KDM4C: variants seen among roughly 807,000 people sequenced by gnomAD.
KDM4C encodes lysine demethylase 4C.
A neutral mutation model predicts 129.3 loss-of-function variants in KDM4C; 81 were observed. The ratio of observed to expected loss-of-function variants is 0.63; its 90% confidence interval spans 0.52 to 0.75. The LOEUF (loss-of-function observed/expected upper bound fraction) is 0.75, where lower values mean the gene tolerates loss of function less well. Among genes scored for constraint, KDM4C ranks in the 30% least tolerant of loss-of-function variants. The pLI is 0.00. For synonymous variants in KDM4C, 573 were observed against 456.1 expected, an observed-to-expected ratio of 1.26 and a Z score of -3.26; for missense variants, 1,457 against 1,304.0, an observed-to-expected ratio of 1.12 and a Z score of -1.81.
chr9:7,065,508 T>C (rs763087954), intron 17 of KDM4C, among the ~76,000 whole-genome samples: 16 of 152,174 alleles, frequency 1.1e-4, no homozygotes, highest in Non-Finnish European at 2.1e-4. Context: ...AGTATGGTCA[T>C]GAAATATTTT....
In KDM4C at chr9:6,856,831, C is replaced by G. The variant is rs529313664; in HGVS notation, c.629+7131C>G. ...GGACTGCAGTGGCGCAATCTCGGCT[C>G]ACTGCAAGCTCCGCTTCCCGGGTTC... On this transcript the variant is annotated intron_variant, in intron 5 of 21. Coordinates refer to ENST00000381309, the MANE Select transcript of KDM4C (RefSeq NM_015061.6). Among the ~76,000 whole-genome samples, 6 of 148,934 alleles carry G rather than the reference C, an allele frequency of 4.0e-5. No individual in the cohort carries two copies. The East Asian group carries it at 1.2e-3, about 30-fold the overall frequency.
At chr9:6,949,258 C>G (rs560179160) in intron 8 of KDM4C, among the ~76,000 whole-genome samples, 1 of 150,262 alleles carries the variant, frequency 6.7e-6, no homozygotes, top group South Asian at 2.1e-4. Context: ...GGGTTGCGGC[C>G]GGGCAGAGGC....
chr9:6,834,839 AC>A, intron 4 of KDM4C: 1 of 1,381,612 alleles, frequency 7.2e-7, no homozygotes, highest in Non-Finnish European at 1.0e-6. Flanking sequence ...GACCTTCATC[AC>A]CCCAGCCATG....
intron 17 of KDM4C, among the ~76,000 whole-genome samples, chr9:7,073,768 C>G (rs78816584): frequency 2.0e-5 from 3 of 152,244 alleles, no homozygotes; most frequent in African/African-American, 7.2e-5. Flanking sequence ...TACCATTAGC[C>G]TTGCAGGGCC....
At chr9:7,014,339 A>G (rs887671963) in intron 14 of KDM4C, 6 of 189,340 alleles carry the variant, frequency 3.2e-5, no homozygotes, top group Non-Finnish European at 6.6e-5. Context: ...TGAAAGTCTG[A>G]TACTGATTGA....
intron 1 of KDM4C, among the ~76,000 whole-genome samples, chr9:6,777,728 A>C (rs895246599): frequency 6.6e-6 from 1 of 151,218 alleles, no homozygotes; most frequent in Admixed American, 6.6e-5. Context: ...ACCTGCTTCC[A>C]CCATGTTTGG....
chr9:7,174,585 G>T lies in KDM4C; in HGVS notation c.3027G>T (p.Thr1009=). The change falls in exon 22 of 22, where the codon ACG becomes ACT. Residue 1009 remains threonine, a synonymous_variant. Transcript: ENST00000381309. ...CCTCTGACATGCGATTTGAAGACACGTTTTATGGAGCAGACATTATCCAAG... is the reference window on the plus strand; with the variant it reads ...CCTCTGACATGCGATTTGAAGACACTTTTTATGGAGCAGACATTATCCAAG... ...STASDMRFED[T]FYGADIIQGE... is the part of the protein sequence containing the mutation. 1 of 1,614,156 alleles carries T rather than the reference G, an allele frequency of 6.2e-7. No homozygotes were observed. Among genetic ancestry groups the T allele is most frequent in the Non-Finnish European group, 8.5e-7 (1 of 1,180,012 alleles).
chr9:6,916,229 C>G (rs10975895), intron 8 of KDM4C, among the ~76,000 whole-genome samples: 73,173 of 151,604 alleles, frequency 0.48, 19,235 homozygotes, highest in Non-Finnish European at 0.61. Context: ...GAAAGTTTTA[C>G]AGAGTTATCC....
At chr9:6,794,792 C>G (rs989937951) in intron 2 of KDM4C, among the ~76,000 whole-genome samples, 1 of 151,824 alleles carries the variant, frequency 6.6e-6, no homozygotes, top group Non-Finnish European at 1.5e-5. Context: ...GTGACATGCC[C>G]CGAGTCATAG....
intron 1 of KDM4C, among the ~76,000 whole-genome samples, chr9:6,735,599 T>C (rs1817502870): frequency 6.6e-6 from 1 of 152,192 alleles, no homozygotes; most frequent in Non-Finnish European, 1.5e-5. Flanking sequence ...CCTCTCTTTT[T>C]TGCATGCTGC....
At chr9:7,100,566 C>T (rs1018348486) in intron 17 of KDM4C, among the ~76,000 whole-genome samples, 2 of 152,132 alleles carry the variant, frequency 1.3e-5, no homozygotes, top group African/African-American at 2.4e-5. Flanking sequence ...TCTTGAACTC[C>T]TGACCTCAGG....
At chr9:7,120,656 A>G (rs1336529099) in intron 18 of KDM4C, among the ~76,000 whole-genome samples, 1 of 152,104 alleles carries the variant, frequency 6.6e-6, no homozygotes, top group African/African-American at 2.4e-5. Context: ...TAAAAGTGCA[A>G]TTTTTTTCTT....
intron 1 of KDM4C, among the ~76,000 whole-genome samples, chr9:6,770,503 A>G (rs1821542898): frequency 6.6e-6 from 1 of 152,044 alleles, no homozygotes; most frequent in Admixed American, 6.6e-5. Flanking sequence ...ATGATCAACA[A>G]ATACTTTTCC....
chr9:7,166,076 G>C (rs978027689), intron 20 of KDM4C, among the ~76,000 whole-genome samples: 8 of 152,144 alleles, frequency 5.3e-5, no homozygotes, highest in Non-Finnish European at 1.2e-4. Context: ...TTTAAAAGGG[G>C]ACATTTAGAG....
intron 15 of KDM4C, among the ~76,000 whole-genome samples, chr9:7,018,820 G>A (rs1417701687): frequency 6.6e-6 from 1 of 152,198 alleles, no homozygotes. Flanking sequence ...CTTTGGAATA[G>A]ACTTAAAGCA....
At chr9:7,043,298 C>T (rs568414740) in intron 15 of KDM4C, among the ~76,000 whole-genome samples, 1 of 151,946 alleles carries the variant, frequency 6.6e-6, no homozygotes, top group African/African-American at 2.4e-5. Context: ...CTACCTTCTC[C>T]TTAAATTCTT....
At position 7,131,301 on chromosome 9, in the gene KDM4C, C is replaced by G. The variant is rs1020853125; in HGVS notation, c.2781+3065C>G. Among the ~76,000 whole-genome samples the G allele has an allele frequency of 2.0e-5, 3 of 152,144 alleles. No individual in the cohort carries two copies. In the East Asian group the frequency reaches 5.8e-4, roughly 29 times the overall value. Reference sequence around the variant, plus strand: ...GTTGTTAGCTGCTGTAGCCTCTTCCCTCTCTTACTTTGGTGATGAATGAGG... The same window carrying G: ...GTTGTTAGCTGCTGTAGCCTCTTCCGTCTCTTACTTTGGTGATGAATGAGG... On this transcript the variant is annotated intron_variant, in intron 19 of 21. Coordinates refer to ENST00000381309, the MANE Select transcript of KDM4C (RefSeq NM_015061.6).
chr9:6,985,059 TC>T (rs1264469342), intron 10 of KDM4C, among the ~76,000 whole-genome samples: 3 of 152,076 alleles, frequency 2.0e-5, no homozygotes, highest in African/African-American at 7.2e-5. Context: ...CTCATGGGAT[TC>T]CCCCCTCCGC....
chr9:7,149,203 A>G (rs559554263), intron 19 of KDM4C, among the ~76,000 whole-genome samples: 265 of 152,354 alleles, frequency 1.7e-3, no homozygotes, highest in African/African-American at 6.1e-3. Flanking sequence ...GTGCTGAGAC[A>G]GTCTGGGGTC....
Sources: gnomAD v4.1 joint callset for allele counts (sites outside exome capture counted in the v4.1 genomes callset) on GRCh38, gnomAD v4.1.1 for gene constraint, MANE v1.5 for transcripts, NCBI Gene and HGNC (gene_info 2026-07-23, HGNC 2026-07-21) for gene names.